Variants in BARD1 observed in about 807,000 individuals in gnomAD.
BARD1 encodes the protein BRCA1-associated RING domain protein 1.
Under a neutral mutation model 77.0 loss-of-function variants are expected in BARD1, and 73 were observed. The ratio of observed to expected loss-of-function variants is 0.95; its 90% CI spans 0.79 to 1.15. The LOEUF (loss-of-function observed/expected upper bound fraction) is 1.15. Ranked by LOEUF, BARD1 falls within the 50% of genes most tolerant of loss-of-function variation. The probability of loss-of-function intolerance (pLI) is 0.00; values close to 1 mark genes in which losing one functional copy is unlikely to be tolerated. For synonymous variants in BARD1, 384 were observed against 338.0 expected, an observed-to-expected ratio of 1.14 and a Z score of -1.49; for missense variants, 993 against 938.8, an observed-to-expected ratio of 1.06 and a Z score of -0.75.
At chr2:214,742,529 T>G (rs1034927036) in intron 9 of BARD1, among the ~76,000 whole-genome samples, 1 of 152,236 alleles carries the variant, frequency 6.6e-6, no homozygotes, top group African/African-American at 2.4e-5. Context: ...GATATGAACT[T>G]CAGTAAGGGA....
At chr2:214,757,378 A>G (rs1245656123) in intron 6 of BARD1, among the ~76,000 whole-genome samples, 1 of 151,980 alleles carries the variant, frequency 6.6e-6, no homozygotes, top group Non-Finnish European at 1.5e-5. Flanking sequence ...TAAAATCTTT[A>G]AAGATATGAC....
At chr2:214,747,821 C>T (rs1044534052) in intron 7 of BARD1, among the ~76,000 whole-genome samples, 4 of 149,746 alleles carry the variant, frequency 2.7e-5, no homozygotes, top group East Asian at 2.0e-4. Flanking sequence ...CAAACCTGCA[C>T]GTTGTGCACA....
At chr2:214,759,523 C>T (rs1417240406) in intron 6 of BARD1, among the ~76,000 whole-genome samples, 1 of 151,778 alleles carries the variant, frequency 6.6e-6, no homozygotes, top group Non-Finnish European at 1.5e-5. Context: ...ATTGTTTTAG[C>T]TCACAAAAGG....
intron 3 of BARD1, among the ~76,000 whole-genome samples, chr2:214,789,867 G>T (rs1695436903): frequency 6.6e-6 from 1 of 152,000 alleles, no homozygotes; most frequent in South Asian, 2.1e-4. Context: ...CTTAAGTCTG[G>T]TAAGGACTAA....
chr2:214,753,469 T>C lies in BARD1; in HGVS notation c.1569-914A>G, dbSNP rs115579504. ...TTTTTTAAAGATTATGCTATATTCA[T>C]ATAATGGCCACAGAAGTCCATGTGA... On this transcript the variant is annotated intron_variant, in intron 6 of 10. Transcript: ENST00000260947. Among the ~76,000 whole-genome samples the C allele has an allele frequency of 7.2e-3, 1,094 of 152,286 alleles. 11 individuals carry two copies. Among genetic ancestry groups the C allele is most frequent in the African/African-American group, 0.025 (1,022 of 41,568 alleles).
At chr2:214,787,005 A>G (rs1413299074) in intron 3 of BARD1, among the ~76,000 whole-genome samples, 1 of 151,970 alleles carries the variant, frequency 6.6e-6, no homozygotes, top group Non-Finnish European at 1.5e-5. Context: ...TTACTTTTCA[A>G]GAAAGACTCA....
intron 5 of BARD1, among the ~76,000 whole-genome samples, chr2:214,768,603 C>A (rs924753023): frequency 6.6e-6 from 1 of 152,142 alleles, no homozygotes; most frequent in Non-Finnish European, 1.5e-5. Flanking sequence ...AAGGCATCCA[C>A]TTCATTTGCT....
rs1692075077 is a variant in BARD1, at chr2:214,726,112, A to C, written c.*2564T>G. 1 of 218,466 alleles carries C rather than the reference A, an allele frequency of 4.6e-6. No individual in the cohort carries two copies. The highest frequency in any genetic ancestry group is 9.2e-6 in the Non-Finnish European group (1 of 108,898). The allele number at this position is 218,466 out of a possible 1,614,324, so 13.5% of individuals were successfully genotyped here. A position where few individuals can be genotyped will look rare whatever the true frequency, so the allele number is the denominator to read the frequency against. ...TTACTAAAATTCAAGTAGCTAAACT[A>C]TCTTTTAGGTGAAGTCAGTGAAAAC... is the stretch of plus-strand genomic sequence containing the variant. On this transcript the variant is annotated 3_prime_UTR_variant, in exon 11 of 11. Transcript: ENST00000260947.
intron 9 of BARD1, among the ~76,000 whole-genome samples, chr2:214,734,076 G>A (rs79418618): frequency 6.6e-6 from 1 of 152,024 alleles, no homozygotes; most frequent in South Asian, 2.1e-4. Context: ...TATTTTGCAT[G>A]TATTTCAATG....
intron 2 of BARD1, among the ~76,000 whole-genome samples, chr2:214,794,731 T>C (rs1013948774): frequency 2.0e-5 from 3 of 152,174 alleles, no homozygotes; most frequent in Non-Finnish European, 2.9e-5. Flanking sequence ...ATGAATTACC[T>C]TTATCAGTTG....
At chr2:214,753,156 C>T (rs1438665829) in intron 6 of BARD1, among the ~76,000 whole-genome samples, 1 of 152,044 alleles carries the variant, frequency 6.6e-6, no homozygotes, top group East Asian at 1.9e-4. Flanking sequence ...GAATGTTACG[C>T]TGGAAGAGAT....
intron 6 of BARD1, among the ~76,000 whole-genome samples, chr2:214,766,719 C>T (rs1694213979): frequency 6.6e-6 from 1 of 152,142 alleles, no homozygotes; most frequent in Admixed American, 6.5e-5. Context: ...AAATCATCTC[C>T]AGATTACTTG....
At chr2:214,771,054 T>C (rs1162556953) in intron 4 of BARD1, among the ~76,000 whole-genome samples, 1 of 152,230 alleles carries the variant, frequency 6.6e-6, no homozygotes, top group African/African-American at 2.4e-5. Context: ...TGTCAGGCTT[T>C]AGGAAGAAGG....
intron 4 of BARD1, among the ~76,000 whole-genome samples, chr2:214,772,812 T>A (rs1013739518): frequency 3.3e-5 from 5 of 152,172 alleles, no homozygotes; most frequent in Non-Finnish European, 7.4e-5. Flanking sequence ...TTAGATAGAG[T>A]CTACAGTAAC....
chr2:214,781,898 T>C (rs1340243191), intron 3 of BARD1, among the ~76,000 whole-genome samples: 1 of 152,130 alleles, frequency 6.6e-6, no homozygotes, highest in East Asian at 1.9e-4. Flanking sequence ...ATAACAATAT[T>C]GTTAAGATGC....
chr2:214,780,620 G>T lies in BARD1; in HGVS notation c.1254C>A (p.Pro418=). Residue 418 remains proline (P), a synonymous_variant, in exon 4 of 11, where the codon CCC becomes CCA. Transcript: ENST00000260947. The part of the protein sequence containing the change: ...MSSPSAMKLL[P]NMAVKRNHRG... Reference sequence around the variant, plus strand: ...TATGATTTCTTTTCACAGCCATATTGGGCAACAGCTTCATTGCTGAGGGAC... The same window carrying T: ...TATGATTTCTTTTCACAGCCATATTTGGCAACAGCTTCATTGCTGAGGGAC... 1 of 1,614,012 alleles carries T rather than the reference G, an allele frequency of 6.2e-7. No homozygotes were observed. The highest frequency in any genetic ancestry group is 8.5e-7 in the Non-Finnish European group (1 of 1,179,970).
rs1692057048 is a variant in BARD1 at position 214,725,744 on chromosome 2, A to G, written c.*2932T>C. 1 of 225,522 alleles carries G rather than the reference A, an allele frequency of 4.4e-6. No homozygotes were observed. Among genetic ancestry groups the G allele is most frequent in the Admixed American group, 5.7e-5 (1 of 17,524 alleles). The allele number at this position is 225,522 out of a possible 1,614,324, so 14.0% of individuals were successfully genotyped here. A position where few individuals can be genotyped will look rare whatever the true frequency, so the allele number is the denominator to read the frequency against. ...ACATGAAGTTTACAATCTGTAGCTCAATCTATCAAAGAAAATGGTGGCTTT... is the reference window on the plus strand; with the variant it reads ...ACATGAAGTTTACAATCTGTAGCTCGATCTATCAAAGAAAATGGTGGCTTT... On this transcript the variant is annotated 3_prime_UTR_variant, in exon 11 of 11. Coordinates refer to ENST00000260947, the MANE Select transcript of BARD1 (RefSeq NM_000465.4).
chr2:214,787,921 T>TA (rs926573356), intron 3 of BARD1, among the ~76,000 whole-genome samples: 3 of 152,002 alleles, frequency 2.0e-5, no homozygotes, highest in Non-Finnish European at 4.4e-5. Flanking sequence ...AGTCCCTTAT[T>TA]AAAAATCAAA....
chr2:214,736,227 G>T (rs146870053), intron 9 of BARD1, among the ~76,000 whole-genome samples: 1 of 151,608 alleles, frequency 6.6e-6, no homozygotes, highest in South Asian at 2.1e-4. Context: ...TTCTTGACTG[G>T]GTCAAAATAC....
Sources: allele counts gnomAD v4.1 joint callset (sites outside exome capture counted in the v4.1 genomes callset), GRCh38; gene constraint gnomAD v4.1.1; transcripts MANE v1.5; gene names NCBI Gene and HGNC (gene_info 2026-07-23, HGNC 2026-07-21).